TKTL1: variants seen among roughly 807,000 people sequenced by gnomAD.
The protein encoded by TKTL1 is transketolase like 1, also known as transketolase-like protein 1.
TKTL1 carries 1 observed loss-of-function variant against 39.3 expected under a neutral mutation model. That is an observed-to-expected ratio of 0.03 (90% CI 0.01 to 0.12). The LOEUF (loss-of-function observed/expected upper bound fraction) is 0.12. Among genes scored for constraint, TKTL1 ranks in the 10% least tolerant of loss-of-function variants. The pLI is 1.00. For missense variants in TKTL1, 575 were observed against 509.6 expected (o/e 1.13, Z -1.24); for synonymous variants, 262 against 193.8 (o/e 1.35, Z -2.92).
rs781822647 is a variant in TKTL1, at chrX:154,304,576, A to G, written c.135-728A>G. ...ATGCCACTGCACTCCAGCCTGGGTG[A>G]CAGAGTGAGGGCCCATCCCTTCGCG... On this transcript the variant is annotated intron_variant, in intron 1 of 12. Transcript: ENST00000369915. Among the ~76,000 whole-genome samples, 90 of 109,353 alleles carry G rather than the reference A, an allele frequency of 8.2e-4. 1 individual carries two copies. Among genetic ancestry groups the G allele is most frequent in the African/African-American group, 3.0e-3 (90 of 30,053 alleles). The allele number at this position is 109,353 out of a possible 115,157, so 95.0% of individuals were successfully genotyped here.
In TKTL1 at chrX:154,329,419, C is replaced by T. The variant is rs1013471089; in HGVS notation, c.1619-97C>T. 7.8e-6 allele frequency: 7 copies of T among 893,546 alleles called. No individual in the cohort carries two copies. In the Admixed American group the frequency reaches 7.8e-5, roughly 10 times the overall value. The allele number at this position is 893,546 out of a possible 1,213,427, so 73.6% of individuals were successfully genotyped here. A position where few individuals can be genotyped will look rare whatever the true frequency, so the allele number is the denominator to read the frequency against. ...TGGCTGTTCACATGAATCAGATTTT[C>T]CCCTGGGAAGCTGCAGATTCAAAGG... is the stretch of plus-strand genomic sequence containing the variant. On this transcript the variant is annotated intron_variant, in intron 12 of 12. Transcript: ENST00000369915.
At chrX:154,310,787 G>A in intron 3 of TKTL1, 49 bp from the exon 4 acceptor site, 1 of 1,092,153 alleles carries the variant, frequency 9.2e-7, no homozygotes, top group Non-Finnish European at 1.3e-6. Context: ...TGTTTGGTTG[G>A]CCCAGATGAT....
intron 5 of TKTL1, 60 bp downstream of exon 5, chrX:154,311,298 G>C (rs2067355840): frequency 3.4e-6 from 4 of 1,193,706 alleles, no homozygotes; most frequent in Non-Finnish European, 4.5e-6. Flanking sequence ...CTCAGCAGCA[G>C]AGGCGGGAGA....
Position 154,328,994 on chromosome X carries a change from T to C in TKTL1, c.1619-522T>C, listed in dbSNP as rs1001885736. 2.1e-4 allele frequency among the ~76,000 whole-genome samples: 24 copies of C among 112,466 alleles called. No individual in the cohort carries two copies. The Admixed American group carries it at 2.2e-3, about 10-fold the overall frequency. ...TGCCTAAGGGATGCCTGCTAGAGAC[T>C]TGGCACCTCAAGTGTGTACTGGGGG... On this transcript the variant is annotated intron_variant, in intron 12 of 12. Coordinates refer to ENST00000369915, the MANE Select transcript of TKTL1 (RefSeq NM_012253.4).
intron 12 of TKTL1, among the ~76,000 whole-genome samples, chrX:154,328,577 A>G (rs1436429416): frequency 1.1e-5 from 1 of 88,957 alleles, no homozygotes; most frequent in Non-Finnish European, 2.2e-5. Flanking sequence ...AAAAAAAAAA[A>G]AAAAAAAAAA....
chrX:154,323,593 C>G (rs1178968997), intron 9 of TKTL1, among the ~76,000 whole-genome samples: 1 of 111,969 alleles, frequency 8.9e-6, no homozygotes, highest in African/African-American at 3.2e-5. Context: ...GAAACAGGGA[C>G]CATTCTGGGT....
rs1248431005 is a variant in TKTL1, at chrX:154,329,212, C to CA, written c.1619-302dup. The stretch of plus-strand genomic sequence containing the variant: ...AGCTAACCTTGCCAACCAACAGCCT[C>CA]AAGCCAGCTAGTCACTTTTCTGCAC... On this transcript the variant is annotated intron_variant, in intron 12 of 12. Coordinates refer to ENST00000369915, the MANE Select transcript of TKTL1 (RefSeq NM_012253.4). 2.7e-5 allele frequency among the ~76,000 whole-genome samples: 3 copies of CA among 112,446 alleles called. No individual in the cohort carries two copies. The East Asian group carries it at 8.3e-4, about 31-fold the overall frequency.
At chrX:154,305,120 G>T in intron 1 of TKTL1, 184 bp from the exon 2 acceptor site, 8 of 1,158,564 alleles carry the variant, frequency 6.9e-6, no homozygotes, top group Non-Finnish European at 9.2e-6. Context: ...ACAGGGGGAG[G>T]GGTGGTGAGC....
intron 12 of TKTL1, among the ~76,000 whole-genome samples, chrX:154,328,472 G>A (rs1557172488): frequency 1.1e-5 from 1 of 92,773 alleles, no homozygotes; most frequent in Non-Finnish European, 2.1e-5. Context: ...CTTGAACCCA[G>A]GAGGTGGAGG....
At chrX:154,312,443 C>T (rs1239624843) in intron 5 of TKTL1, 137 bp from the exon 6 acceptor site, 6 of 594,813 alleles carry the variant, frequency 1.0e-5, no homozygotes, top group Non-Finnish European at 1.5e-5. Flanking sequence ...CAGCAGCGTC[C>T]CAGGCCCTCT....
Position 154,295,824 on chromosome X carries a change from A to T in TKTL1, c.-36A>T, listed in dbSNP as rs377578524. On this transcript the variant is annotated 5_prime_UTR_variant, in exon 1 of 13. Transcript: ENST00000369915. Reference sequence around the variant, plus strand: ...TTCGCTCTTCAGACGCCGGAGACGTAGGAGTGGGTCTTCAGACTCCAAAGG... The same window carrying T: ...TTCGCTCTTCAGACGCCGGAGACGTTGGAGTGGGTCTTCAGACTCCAAAGG... The T allele has an allele frequency of 1.7e-6, 2 of 1,199,513 alleles. No homozygotes were observed. The highest frequency in any genetic ancestry group is 2.2e-5 in the Admixed American group (1 of 44,603).
At chrX:154,318,055 CT>C (rs2067415879) in intron 7 of TKTL1, among the ~76,000 whole-genome samples, 1 of 111,688 alleles carries the variant, frequency 9.0e-6, no homozygotes, top group Non-Finnish European at 1.9e-5. Context: ...TAGTTTTAAG[CT>C]AACATCTTTT....
intron 10 of TKTL1, among the ~76,000 whole-genome samples, chrX:154,326,082 A>G (rs144509864): frequency 1.8e-3 from 200 of 112,529 alleles, no homozygotes; most frequent in African/African-American, 6.3e-3. Context: ...AAAAGGGAAC[A>G]TGATCTCTGG....
rs1174279597 is a variant in TKTL1 at position 154,315,169 on chromosome X, C to G, written c.865-4C>G. ...TCTACCACCTGATTGTCTCTGTCTT[C>G]TAGATAGCTACTCGGAAAGCATGCG... On this transcript the variant is annotated splice_polypyrimidine_tract_variant and splice_region_variant and intron_variant, in intron 6 of 12. Coordinates refer to ENST00000369915, the MANE Select transcript of TKTL1 (RefSeq NM_012253.4). The G allele has an allele frequency of 8.3e-7, 1 of 1,209,006 alleles. No homozygotes were observed. Among genetic ancestry groups the G allele is most frequent in the Non-Finnish European group, 1.1e-6 (1 of 893,882 alleles).
chrX:154,297,627 C>CA (rs1557164942), intron 1 of TKTL1, among the ~76,000 whole-genome samples: 1 of 111,509 alleles, frequency 9.0e-6, no homozygotes, highest in Non-Finnish European at 1.9e-5. Flanking sequence ...GGATGAGTTT[C>CA]AAAGTGTTCC....
chrX:154,304,599 G>A (rs1449532178), intron 1 of TKTL1, among the ~76,000 whole-genome samples: 1 of 108,325 alleles, frequency 9.2e-6, no homozygotes, highest in Non-Finnish European at 1.9e-5. Context: ...CCATCCCTTC[G>A]CGGGTCCCCA....
chrX:154,318,900 G>A (rs1444500624), intron 7 of TKTL1, among the ~76,000 whole-genome samples: 2 of 110,412 alleles, frequency 1.8e-5, no homozygotes, highest in African/African-American at 6.6e-5. Flanking sequence ...GCCTTTTATT[G>A]ATTGTCCTAT....
chrX:154,313,415 C>T (rs190728779), intron 6 of TKTL1, among the ~76,000 whole-genome samples: 5 of 111,838 alleles, frequency 4.5e-5, no homozygotes, highest in East Asian at 2.8e-4. Context: ...TACATCCTGC[C>T]TTCTGGTATA....
At chrX:154,327,792 A>T in intron 11 of TKTL1, 47 bp from the exon 12 acceptor site, 3 of 1,209,205 alleles carry the variant, frequency 2.5e-6, no homozygotes, top group South Asian at 3.5e-5. Flanking sequence ...CCTGCATGTT[A>T]TTCTGAGTCT....
Sources: allele counts gnomAD v4.1 joint callset (sites outside exome capture counted in the v4.1 genomes callset), GRCh38; gene constraint gnomAD v4.1.1; transcripts MANE v1.5; gene names NCBI Gene and HGNC (gene_info 2026-07-23, HGNC 2026-07-21).